Variants in GGH observed in about 807,000 individuals in gnomAD.
GGH encodes gamma-glutamyl hydrolase, also known as gamma-Glu-X carboxypeptidase.
Under a neutral mutation model 39.2 loss-of-function variants are expected in GGH, and 18 were observed. The ratio of observed to expected loss-of-function variants is 0.46; its 90% CI spans 0.32 to 0.68. GGH has a LOEUF of 0.68. Among genes scored for constraint, GGH ranks in the 30% least tolerant of loss-of-function variants. The pLI is 0.04. For missense variants in GGH, 367 were observed against 384.1 expected (o/e 0.96, Z 0.37); for synonymous variants, 147 against 138.8 (o/e 1.06, Z -0.42).
intron 7 of GGH, among the ~76,000 whole-genome samples, chr8:63,019,483 G>A (rs1804547470): frequency 6.6e-6 from 1 of 152,182 alleles, no homozygotes; most frequent in East Asian, 1.9e-4. Context: ...AACTGCCACT[G>A]CAGATAAAAC....
At chr8:63,035,221 A>G (rs1804883060) in intron 2 of GGH, among the ~76,000 whole-genome samples, 2 of 152,186 alleles carry the variant, frequency 1.3e-5, no homozygotes, top group South Asian at 4.1e-4. Flanking sequence ...TCTAAGCAAC[A>G]TGTTTGTGTC....
At chr8:63,029,245 C>A (rs1471166168) in intron 3 of GGH, among the ~76,000 whole-genome samples, 2 of 152,158 alleles carry the variant, frequency 1.3e-5, no homozygotes, top group South Asian at 4.1e-4. Flanking sequence ...TTCACCCCCA[C>A]CTTTAACAAA....
intron 2 of GGH, among the ~76,000 whole-genome samples, chr8:63,034,318 A>G (rs893373433): frequency 2.6e-5 from 4 of 152,132 alleles, no homozygotes; most frequent in African/African-American, 9.7e-5. Context: ...AGATCATACA[A>G]GAAGACAATT....
At chr8:63,035,544 G>C in intron 2 of GGH, 112 bp downstream of exon 2, 2 of 1,436,796 alleles carry the variant, frequency 1.4e-6, no homozygotes, top group South Asian at 3.1e-5. Context: ...GACCTCAGTA[G>C]TCCACCCGCC....
Position 63,030,888 on chromosome 8 carries a change from A to G in GGH, c.225-671T>C, listed in dbSNP as rs938518795. Reference sequence around the variant, plus strand: ...TGGTGACTTTATTCCCTTTCTCCAGAAAAAAAAGATGGGCTTAATCTGTGA... The same window carrying G: ...TGGTGACTTTATTCCCTTTCTCCAGGAAAAAAAGATGGGCTTAATCTGTGA... On this transcript the variant is annotated intron_variant, in intron 2 of 8. Coordinates refer to ENST00000260118, the MANE Select transcript of GGH (RefSeq NM_003878.3). Among the ~76,000 whole-genome samples the G allele has an allele frequency of 7.7e-4, 117 of 151,776 alleles. 5 individuals carry two copies. Among genetic ancestry groups the G allele is most frequent in the Non-Finnish European group, 7.4e-5 (5 of 67,894 alleles).
At chr8:63,032,752 T>C (rs931324457) in intron 2 of GGH, among the ~76,000 whole-genome samples, 9 of 152,218 alleles carry the variant, frequency 5.9e-5, no homozygotes, top group African/African-American at 1.9e-4. Flanking sequence ...ATGATTCCAA[T>C]ATACCTTAAG....
chr8:63,029,954 C>T, intron 3 of GGH: 1 of 380,308 alleles, frequency 2.6e-6, no homozygotes. Flanking sequence ...TACTATGTAA[C>T]AATTATACAT....
At chr8:63,018,389 CT>C (rs1402414787) in intron 7 of GGH, among the ~76,000 whole-genome samples, 1 of 152,158 alleles carries the variant, frequency 6.6e-6, no homozygotes, top group Non-Finnish European at 1.5e-5. Context: ...AATCTCCCCT[CT>C]ATTATTTTCT....
At position 63,030,206 on chromosome 8, in the gene GGH, G is replaced by T; in HGVS notation, c.236C>A (p.Thr79Lys). The change falls in exon 3 of 9, where the codon ACA (threonine) becomes AAA (lysine). Residue 79 changes from threonine (T) to lysine (K), a missense_variant. Physicochemically the swap from Thr to Lys is moderately conservative, Grantham distance 78. Transcript: ENST00000260118. ...ARVVPVRLDL[T>K]EKDYEILFKS... ...GAAAAGTATTTCATAGTCTTTCTCT[G>T]TAAGATCCAGCCTGAAAACAATAAA... 7.1e-7 allele frequency: 1 copy of T among 1,418,062 alleles called. No homozygotes were observed. The highest frequency in any genetic ancestry group is 1.0e-6 in the Non-Finnish European group (1 of 1,002,876). The allele number at this position is 1,418,062 out of a possible 1,614,324, so 87.8% of individuals were successfully genotyped here.
At chr8:63,029,367 C>A (rs139855141) in intron 3 of GGH, among the ~76,000 whole-genome samples, 1 of 152,034 alleles carries the variant, frequency 6.6e-6, no homozygotes, top group Non-Finnish European at 1.5e-5. Flanking sequence ...TACAGATAGC[C>A]GCATTTTTTA....
At chr8:63,024,323 T>C (rs1353629825) in intron 5 of GGH, 137 bp from the exon 6 acceptor site, 2 of 576,394 alleles carry the variant, frequency 3.5e-6, no homozygotes, top group African/African-American at 1.9e-5. Flanking sequence ...ACACATCATT[T>C]CCATAGAAGT....
At chr8:63,031,980 A>G (rs576035662) in intron 2 of GGH, among the ~76,000 whole-genome samples, 1 of 152,310 alleles carries the variant, frequency 6.6e-6, no homozygotes, top group East Asian at 1.9e-4. Flanking sequence ...AACTCAATCT[A>G]GATAACTGTC....
chr8:63,026,051 G>T, intron 5 of GGH, 107 bp downstream of exon 5: 2 of 899,176 alleles, frequency 2.2e-6, no homozygotes, highest in South Asian at 1.9e-5. Context: ...TTCCTTCAGG[G>T]AAAAGGCTAA....
Position 63,015,345 on chromosome 8 carries a change from T to C in GGH, c.944A>G (p.Tyr315Cys). ...TGNISSFQQC[Y>C]IFD ...AATTGAAGACTTTCAATCAAATATG[T>C]AACATTGCTGAAATGAAGAAATATT... Residue 315 changes from tyrosine (Y) to cysteine (C), a missense_variant, in exon 9 of 9, where the codon TAC becomes TGC. Transcript: ENST00000260118. The C allele has an allele frequency of 7.1e-7, 1 of 1,398,850 alleles. No individual in the cohort carries two copies. The highest frequency in any genetic ancestry group is 1.3e-5 in the South Asian group (1 of 79,602). 86.7% of individuals were successfully genotyped at this position (1,398,850 alleles called of 1,614,324 possible).
In GGH at chr8:63,023,775, C is replaced by T. The variant is rs187926726; in HGVS notation, c.697+132G>A. The T allele has an allele frequency of 1.5e-5, 8 of 547,478 alleles. No homozygotes were observed. In the East Asian group the frequency reaches 2.1e-4, roughly 14 times the overall value. The allele number at this position is 547,478 out of a possible 1,614,324, so 33.9% of individuals were successfully genotyped here. A position where few individuals can be genotyped will look rare whatever the true frequency, so the allele number is the denominator to read the frequency against. ...TTTGAAACATGGACAAAACATGTCT[C>T]CTGTCTCCCAAAATGCCCTAACACC... is the stretch of plus-strand genomic sequence containing the variant. On this transcript the variant is annotated intron_variant, in intron 7 of 8. Coordinates refer to ENST00000260118, the MANE Select transcript of GGH (RefSeq NM_003878.3).
chr8:63,027,289 A>T, intron 3 of GGH, 24 bp from the exon 4 acceptor site: 3 of 1,349,638 alleles, frequency 2.2e-6, no homozygotes, highest in Non-Finnish European at 3.2e-6. Flanking sequence ...ACATAAATCA[A>T]ATAGGGTGTA....
chr8:63,023,756 A>G (rs1219710216), intron 7 of GGH, 151 bp downstream of exon 7: 1 of 475,570 alleles, frequency 2.1e-6, no homozygotes, highest in Admixed American at 4.5e-5. Context: ...TTAATTTGAA[A>G]CATGGACAAA....
chr8:63,023,644 C>G (rs772077226), intron 7 of GGH: 4 of 242,740 alleles, frequency 1.6e-5, no homozygotes, highest in Non-Finnish European at 3.1e-5. Flanking sequence ...TTGCTAGAAA[C>G]AGAAGTCATT....
chr8:63,028,144 C>T (rs1209912481), intron 3 of GGH: 3 of 151,956 alleles, frequency 2.0e-5, no homozygotes, highest in African/African-American at 7.3e-5. Context: ...ACTCGACTTG[C>T]CTGGAGAGAC....
Sources: gnomAD v4.1 joint callset for allele counts (sites outside exome capture counted in the v4.1 genomes callset) on GRCh38, gnomAD v4.1.1 for gene constraint, MANE v1.5 for transcripts, NCBI Gene and HGNC (gene_info 2026-07-23, HGNC 2026-07-21) for gene names.